Variants in MACROD2 observed in about 807,000 individuals in gnomAD.
MACROD2 encodes ADP-ribose glycohydrolase MACROD2.
Under a neutral mutation model 70.4 loss-of-function variants are expected in MACROD2, and 36 were observed. The observed-to-expected ratio is 0.51, with a 90% confidence interval of 0.39 to 0.68. The LOEUF is 0.68. Ranked by LOEUF, MACROD2 falls within the 30% of genes least tolerant of loss-of-function variation. MACROD2 has a pLI of 0.00. For synonymous variants in MACROD2, 172 were observed against 178.8 expected, an observed-to-expected ratio of 0.96 and a Z score of 0.30; for missense variants, 496 against 538.4, an observed-to-expected ratio of 0.92 and a Z score of 0.78.
At chr20:14,140,986 C>T (rs1329396360) in intron 3 of MACROD2, among the ~76,000 whole-genome samples, 2 of 152,138 alleles carry the variant, frequency 1.3e-5, no homozygotes, top group African/African-American at 4.8e-5. Context: ...GATACCTGAC[C>T]TTCCTGCCTT....
chr20:14,420,865 A>AT (rs1412122181), intron 3 of MACROD2, among the ~76,000 whole-genome samples: 2 of 151,876 alleles, frequency 1.3e-5, no homozygotes, highest in African/African-American at 2.4e-5. Flanking sequence ...CTAATTTTTA[A>AT]TTTTTTGTGT....
intron 3 of MACROD2, among the ~76,000 whole-genome samples, chr20:14,180,476 A>G (rs1018380711): frequency 6.6e-5 from 10 of 152,238 alleles, no homozygotes; most frequent in African/African-American, 1.7e-4. Flanking sequence ...TAAAGAGTAT[A>G]ATTGCTGAGA....
At chr20:16,035,852 T>C (rs1428166666) in intron 15 of MACROD2, among the ~76,000 whole-genome samples, 1 of 151,780 alleles carries the variant, frequency 6.6e-6, no homozygotes, top group African/African-American at 2.4e-5. Context: ...GTCCTTGCGG[T>C]AAAAGGTAGG....
chr20:15,443,977 C>T (rs970601927), intron 7 of MACROD2, among the ~76,000 whole-genome samples: 4 of 152,128 alleles, frequency 2.6e-5, no homozygotes, highest in Non-Finnish European at 4.4e-5. Context: ...ATTTTTAAAG[C>T]GGTTTTATTA....
rs143982265 is a variant in MACROD2, at chr20:14,670,840, C to T, written c.302-14003C>T. ...CTACCACACCATAGTGTAGTCAGCA[C>T]GCCCATGTTGACTAGATGGCTGCTG... On this transcript the variant is annotated intron_variant, in intron 4 of 17. Transcript: ENST00000684519. 7.9e-4 allele frequency among the ~76,000 whole-genome samples: 120 copies of T among 152,234 alleles called. 1 individual carries two copies. The highest frequency in any genetic ancestry group is 2.0e-3 in the Admixed American group (30 of 15,280).
chr20:15,206,776 C>T (rs1159147741), intron 5 of MACROD2, among the ~76,000 whole-genome samples: 2 of 112,294 alleles, frequency 1.8e-5, no homozygotes, highest in African/African-American at 7.8e-5. Context: ...GTCGCCCAGG[C>T]CGGACTGCGG....
intron 5 of MACROD2, among the ~76,000 whole-genome samples, chr20:15,126,527 A>G (rs1049368268): frequency 6.6e-6 from 1 of 152,132 alleles, no homozygotes; most frequent in Non-Finnish European, 1.5e-5. Context: ...CTTGCAGCTT[A>G]CAGTAGTTCA....
chr20:14,988,653 G>C (rs1243604344), intron 5 of MACROD2, among the ~76,000 whole-genome samples: 2 of 152,106 alleles, frequency 1.3e-5, no homozygotes, highest in African/African-American at 4.8e-5. Flanking sequence ...ATATCTGAGA[G>C]GTTACTCATC....
At chr20:15,266,528 G>C (rs1407633250) in intron 6 of MACROD2, among the ~76,000 whole-genome samples, 1 of 152,164 alleles carries the variant, frequency 6.6e-6, no homozygotes, top group African/African-American at 2.4e-5. Context: ...GTATAATCAG[G>C]ATCCTCAGCA....
At chr20:15,098,843 C>T (rs1016314858) in intron 5 of MACROD2, among the ~76,000 whole-genome samples, 2 of 152,198 alleles carry the variant, frequency 1.3e-5, no homozygotes, top group Non-Finnish European at 2.9e-5. Flanking sequence ...AGAGAGGGAA[C>T]AGCATGAGCC....
At chr20:15,318,028 G>A (rs899227688) in intron 6 of MACROD2, among the ~76,000 whole-genome samples, 1 of 151,998 alleles carries the variant, frequency 6.6e-6, no homozygotes. Flanking sequence ...CAAATCTTTA[G>A]CAAGACGAAG....
chr20:15,300,713 A>G lies in MACROD2; in HGVS notation c.540+70652A>G, dbSNP rs1194839033. Among the ~76,000 whole-genome samples the G allele has an allele frequency of 2.0e-5, 3 of 152,282 alleles. No individual in the cohort carries two copies. The South Asian group carries it at 6.2e-4, about 32-fold the overall frequency. On this transcript the variant is annotated intron_variant, in intron 6 of 17. Transcript: ENST00000684519. Reference sequence around the variant, plus strand: ...CAGTTTCATCACTGGGGCTCAGACCACATGTGAAGCAACTGGGTTGGGTGT... The same window carrying G: ...CAGTTTCATCACTGGGGCTCAGACCGCATGTGAAGCAACTGGGTTGGGTGT...
intron 5 of MACROD2, among the ~76,000 whole-genome samples, chr20:15,114,792 T>C (rs1394263615): frequency 1.3e-5 from 2 of 152,220 alleles, no homozygotes; most frequent in South Asian, 2.1e-4. Flanking sequence ...CCTTTTTACC[T>C]GTTTTCTTGT....
At chr20:15,702,507 G>C (rs549603623) in intron 8 of MACROD2, among the ~76,000 whole-genome samples, 1 of 151,998 alleles carries the variant, frequency 6.6e-6, no homozygotes, top group Admixed American at 6.6e-5. Context: ...CATTTTTAAG[G>C]GATTTGTTGT....
At chr20:14,625,917 G>C (rs1984122793) in intron 4 of MACROD2, among the ~76,000 whole-genome samples, 2 of 152,126 alleles carry the variant, frequency 1.3e-5, no homozygotes, top group South Asian at 4.1e-4. Context: ...CCAACTCTTG[G>C]GTTCAAGCGG....
chr20:15,512,929 AC>A (rs1391085103), intron 8 of MACROD2, among the ~76,000 whole-genome samples: 1 of 152,204 alleles, frequency 6.6e-6, no homozygotes, highest in African/African-American at 2.4e-5. Flanking sequence ...GCTACAAATG[AC>A]CTGGGTGGGC....
intron 5 of MACROD2, among the ~76,000 whole-genome samples, chr20:15,050,065 A>G (rs1218054651): frequency 1.3e-5 from 2 of 152,188 alleles, no homozygotes; most frequent in Non-Finnish European, 2.9e-5. Flanking sequence ...AAACCTACAC[A>G]ACCAGCTTCA....
chr20:14,313,299 C>T (rs185988834), intron 3 of MACROD2, among the ~76,000 whole-genome samples: 75 of 152,254 alleles, frequency 4.9e-4, no homozygotes, highest in African/African-American at 1.7e-3. Flanking sequence ...CACTTAATTT[C>T]CTTCACTTGA....
At chr20:15,803,047 G>GTCCCC (rs2063740038) in intron 8 of MACROD2, among the ~76,000 whole-genome samples, 1 of 152,004 alleles carries the variant, frequency 6.6e-6, no homozygotes, top group African/African-American at 2.4e-5. Context: ...AAAAGCCCAG[G>GTCCCC]ACCAGATGGC....
Sources: allele counts gnomAD v4.1 joint callset (sites outside exome capture counted in the v4.1 genomes callset), GRCh38; gene constraint gnomAD v4.1.1; transcripts MANE v1.5; gene names NCBI Gene and HGNC (gene_info 2026-07-23, HGNC 2026-07-21).